The following TBC1D15 variants were observed in gnomAD, a reference collection of about 807,000 sequenced individuals.
The protein encoded by TBC1D15 is TBC1 domain family member 15, also known as GAP for RAB7.
A neutral mutation model predicts 95.4 loss-of-function variants in TBC1D15; 39 were observed. The ratio of observed to expected loss-of-function variants is 0.41; its 90% CI spans 0.32 to 0.53. TBC1D15 has a LOEUF of 0.53. Among genes scored for constraint, TBC1D15 ranks in the 20% least tolerant of loss-of-function variants. The pLI, the probability that TBC1D15 is intolerant of heterozygous loss-of-function variation, is 0.29. For synonymous variants in TBC1D15, 258 were observed against 261.3 expected, an observed-to-expected ratio of 0.99 and a Z score of 0.12; for missense variants, 733 against 794.3, an observed-to-expected ratio of 0.92 and a Z score of 0.93.
At chr12:71,881,368 C>T (rs147612840) in intron 4 of TBC1D15, among the ~76,000 whole-genome samples, 36 of 152,260 alleles carry the variant, frequency 2.4e-4, no homozygotes, top group African/African-American at 7.7e-4. Context: ...CATAATCTGA[C>T]AATAAAGATC....
In TBC1D15 at chr12:71,893,232, G is replaced by T; in HGVS notation, c.565G>T (p.Asp189Tyr). Residue 189 changes from aspartate (D) to tyrosine (Y), a missense_variant, in exon 6 of 17, where the codon GAT becomes TAT. Physicochemically the swap from Asp to Tyr is radical, Grantham distance 160. Coordinates refer to ENST00000485960, the MANE Select transcript of TBC1D15 (RefSeq NM_001146213.3). ...KYVVLCESPQ[D>Y]KRTLLVNCQN... ...TCTTTTTTATTATAGATCTCCACAG[G>T]ATAAAAGAACACTTCTTGTGAATTG... 1 of 1,602,156 alleles carries T rather than the reference G, an allele frequency of 6.2e-7. No homozygotes were observed.
chr12:71,905,755 A>G (rs1227063219), intron 10 of TBC1D15, among the ~76,000 whole-genome samples: 2 of 152,236 alleles, frequency 1.3e-5, no homozygotes, highest in Non-Finnish European at 2.9e-5. Flanking sequence ...AATGTAGTAC[A>G]TTTTAACAGA....
intron 4 of TBC1D15, among the ~76,000 whole-genome samples, chr12:71,882,784 A>G (rs1010515325): frequency 6.6e-6 from 1 of 152,310 alleles, no homozygotes; most frequent in Admixed American, 6.5e-5. Context: ...GGCTGTGAAC[A>G]AGATAAAGTT....
At chr12:71,846,979 A>G (rs1886443768) in intron 1 of TBC1D15, among the ~76,000 whole-genome samples, 1 of 152,038 alleles carries the variant, frequency 6.6e-6, no homozygotes, top group African/African-American at 2.4e-5. Context: ...CCGTCTGCTT[A>G]GAACTCTTGG....
intron 1 of TBC1D15, among the ~76,000 whole-genome samples, chr12:71,858,253 G>A (rs1401274572): frequency 1.3e-5 from 2 of 151,874 alleles, no homozygotes; most frequent in Admixed American, 6.6e-5. Context: ...TGTATTTTTA[G>A]TAGAGATGGG....
Position 71,913,896 on chromosome 12 carries a change from T to C in TBC1D15, c.1371T>C (p.Phe457=). 1.3e-6 allele frequency: 2 copies of C among 1,596,226 alleles called. No homozygotes were observed. Among genetic ancestry groups the C allele is most frequent in the Non-Finnish European group, 8.5e-7 (1 of 1,174,046 alleles). ...TGATGGAAAATGAAGTGGATGCCTTTTGGTGCTTTGCCTCTTACATGGACC... is the reference window on the plus strand; with the variant it reads ...TGATGGAAAATGAAGTGGATGCCTTCTGGTGCTTTGCCTCTTACATGGACC... ...LYVMENEVDA[F]WCFASYMDQM... is the part of the protein sequence containing the mutation. The change falls in exon 12 of 17, where the codon TTT becomes TTC. Residue 457 remains phenylalanine (F), a synonymous_variant. Transcript: ENST00000485960.
intron 4 of TBC1D15, 111 bp downstream of exon 4, chr12:71,880,718 T>C: frequency 8.1e-7 from 1 of 1,241,428 alleles, no homozygotes; most frequent in Admixed American, 3.0e-5. Flanking sequence ...GATTAATTTC[T>C]TTGGTTAATA....
Position 71,854,396 on chromosome 12 carries a change from C to T in TBC1D15, c.30+14585C>T, listed in dbSNP as rs554740712. On this transcript the variant is annotated intron_variant, in intron 1 of 16. Transcript: ENST00000485960. Reference sequence around the variant, plus strand: ...TTTTTGGTGGAATTAATACCTATCTCTTCTGTACATCTTTTTTCCCCTTCA... The same window carrying T: ...TTTTTGGTGGAATTAATACCTATCTTTTCTGTACATCTTTTTTCCCCTTCA... Among the ~76,000 whole-genome samples the T allele has an allele frequency of 2.6e-4, 39 of 152,154 alleles. No individual in the cohort carries two copies. In the South Asian group the frequency reaches 7.9e-3, roughly 31 times the overall value.
chr12:71,842,539 GA>G (rs1407524219), intron 1 of TBC1D15, among the ~76,000 whole-genome samples: 7 of 152,124 alleles, frequency 4.6e-5, no homozygotes, highest in Non-Finnish European at 1.0e-4. Context: ...GAAGGTATGA[GA>G]AAATGAGGAA....
chr12:71,896,407 G>A (rs1898175324), intron 8 of TBC1D15: 3 of 456,948 alleles, frequency 6.6e-6, no homozygotes, highest in African/African-American at 6.0e-5. Context: ...TGTAAGATTG[G>A]GCTTAGACTC....
chr12:71,902,104 T>C (rs1899523581), intron 10 of TBC1D15, among the ~76,000 whole-genome samples: 1 of 151,966 alleles, frequency 6.6e-6, no homozygotes, highest in African/African-American at 2.4e-5. Context: ...CACAAACAAA[T>C]AGAAAAACAT....
At chr12:71,888,714 G>T (rs563912917) in intron 5 of TBC1D15, among the ~76,000 whole-genome samples, 1 of 152,012 alleles carries the variant, frequency 6.6e-6, no homozygotes, top group Non-Finnish European at 1.5e-5. Flanking sequence ...AGCTTGGAAG[G>T]AATTATGCCA....
chr12:71,843,501 C>T (rs1885575451), intron 1 of TBC1D15, among the ~76,000 whole-genome samples: 1 of 152,074 alleles, frequency 6.6e-6, no homozygotes, highest in South Asian at 2.1e-4. Context: ...GATCTTTTAA[C>T]ATGGTAGTTA....
rs1369006160 is a variant in TBC1D15 at position 71,921,462 on chromosome 12, G to A, written c.1803+8G>A. 8.3e-6 allele frequency: 12 copies of A among 1,444,430 alleles called. No homozygotes were observed. Among genetic ancestry groups the A allele is most frequent in the Non-Finnish European group, 1.1e-5 (12 of 1,075,708 alleles). 89.5% of individuals were successfully genotyped at this position (1,444,430 alleles called of 1,614,324 possible). A position where few individuals can be genotyped will look rare whatever the true frequency, so the allele number is the denominator to read the frequency against. On this transcript the variant is annotated splice_region_variant and intron_variant, in intron 16 of 16. Transcript: ENST00000485960. ...CAGATGGTAAAATGCAAGGTATACAGTGTTTCAAGTAATTGCAAGATTTGT... is the reference window on the plus strand; with the variant it reads ...CAGATGGTAAAATGCAAGGTATACAATGTTTCAAGTAATTGCAAGATTTGT...
intron 5 of TBC1D15, among the ~76,000 whole-genome samples, chr12:71,892,320 T>C (rs1281953450): frequency 6.6e-6 from 1 of 152,102 alleles, no homozygotes; most frequent in Non-Finnish European, 1.5e-5. Flanking sequence ...CATCCTGTTA[T>C]GTTAGAATTG....
intron 11 of TBC1D15, among the ~76,000 whole-genome samples, chr12:71,912,392 C>T (rs1592822055): frequency 6.6e-6 from 1 of 152,050 alleles, no homozygotes; most frequent in African/African-American, 2.4e-5. Context: ...TATATTTTCC[C>T]ACAGGGTGCA....
intron 12 of TBC1D15, among the ~76,000 whole-genome samples, chr12:71,916,267 G>A (rs531548044): frequency 6.6e-6 from 1 of 151,976 alleles, no homozygotes; most frequent in Non-Finnish European, 1.5e-5. Flanking sequence ...CCACTTTTTC[G>A]AATATGGTGT....
At chr12:71,894,404 T>G (rs1897785356) in intron 6 of TBC1D15, 1 of 1,609,040 alleles carries the variant, frequency 6.2e-7, no homozygotes, top group African/African-American at 1.3e-5. Flanking sequence ...TTCTGATGTA[T>G]GCAGATTGAG....
intron 1 of TBC1D15, among the ~76,000 whole-genome samples, chr12:71,851,348 A>G (rs1474199401): frequency 6.6e-6 from 1 of 152,126 alleles, no homozygotes; most frequent in East Asian, 1.9e-4. Flanking sequence ...TTGTAATTCA[A>G]CATGAGATTT....
Sources: allele counts gnomAD v4.1 joint callset (sites outside exome capture counted in the v4.1 genomes callset), GRCh38; gene constraint gnomAD v4.1.1; transcripts MANE v1.5; gene names NCBI Gene and HGNC (gene_info 2026-07-23, HGNC 2026-07-21).